Variants in DAPK1 observed in about 807,000 individuals in gnomAD.
DAPK1 encodes death associated protein kinase 1, also known as death-associated protein kinase 1.
DAPK1 carries 56 observed loss-of-function variants against 144.9 expected under a neutral mutation model. The observed-to-expected ratio is 0.39, with a 90% CI of 0.31 to 0.48. The LOEUF (loss-of-function observed/expected upper bound fraction) is 0.48. DAPK1 is among the 20% of genes least tolerant of loss of function. The probability of loss-of-function intolerance (pLI) is 0.95; values close to 1 mark genes in which losing one functional copy is unlikely to be tolerated. For synonymous variants in DAPK1, 690 were observed against 749.0 expected (o/e 0.92, Z 1.29); for missense variants, 1,454 against 1,875.4 (o/e 0.78, Z 4.15).
chr9:87,643,029 G>A (rs952795506), intron 10 of DAPK1, among the ~76,000 whole-genome samples: 5 of 152,118 alleles, frequency 3.3e-5, no homozygotes, highest in African/African-American at 1.2e-4. Flanking sequence ...AGGGTGATCT[G>A]CAAGGGTCAG....
chr9:87,706,931 G>A lies in DAPK1; in HGVS notation c.3860G>A (p.Cys1287Tyr). 4 of 1,613,684 alleles carry A rather than the reference G, an allele frequency of 2.5e-6. No homozygotes were observed. The highest frequency in any genetic ancestry group is 3.4e-6 in the Non-Finnish European group (4 of 1,179,884). Residue 1287 changes from cysteine to tyrosine, a missense_variant, in exon 26 of 26, where the codon TGT becomes TAT. By Grantham distance (194) the Cys-to-Tyr change is radical. This residue lies in a region of DAPK1 where 1,025 missense variants were observed against 1,237.9 expected (regional missense o/e 0.83). Coordinates refer to ENST00000408954, the MANE Select transcript of DAPK1 (RefSeq NM_004938.4). This position sits in a 1 kb window ranked among gnomAD's most constrained non-coding sequence, Gnocchi z 9.0. ...ESFSSIMCFG[C>Y]HDVYSQASLG... is the part of the protein sequence containing the mutation. The stretch of plus-strand genomic sequence containing the variant: ...TTCAGCAGCATCATGTGCTTCGGGT[G>A]TCACGACGTCTACTCACAGGCCAGC...
chr9:87,580,243 A>C (rs1168694553), intron 2 of DAPK1, among the ~76,000 whole-genome samples: 2 of 152,130 alleles, frequency 1.3e-5, no homozygotes, highest in Non-Finnish European at 2.9e-5. Context: ...ATTTCCTTTC[A>C]GTTCCTATTT....
intron 2 of DAPK1, among the ~76,000 whole-genome samples, chr9:87,503,097 C>T (rs939707282): frequency 6.6e-6 from 1 of 152,116 alleles, no homozygotes; most frequent in African/African-American, 2.4e-5. Context: ...GACACCTACC[C>T]TGGTAGAGTG....
intron 2 of DAPK1, among the ~76,000 whole-genome samples, chr9:87,515,321 G>A (rs934901352): frequency 3.3e-5 from 5 of 152,194 alleles, no homozygotes; most frequent in African/African-American, 9.6e-5. Context: ...GCAATGGTCT[G>A]GATTTACCCT....
intron 2 of DAPK1, among the ~76,000 whole-genome samples, chr9:87,517,038 T>G (rs1825087444): frequency 6.6e-6 from 1 of 152,140 alleles, no homozygotes; most frequent in African/African-American, 2.4e-5. Context: ...TCTCTCTTCC[T>G]GCCCCCATAG....
Position 87,603,264 on chromosome 9 carries a change from G to A in DAPK1, c.63-1690G>A, listed in dbSNP as rs36206863. ...GTATGCCCCATCTCTGCCACCCTCCGCCCCACAATAGAGGGAAGGTTTTTA... is the reference window on the plus strand; with the variant it reads ...GTATGCCCCATCTCTGCCACCCTCCACCCCACAATAGAGGGAAGGTTTTTA... On this transcript the variant is annotated intron_variant, in intron 2 of 25. Transcript: ENST00000408954. 5.3e-5 allele frequency among the ~76,000 whole-genome samples: 8 copies of A among 152,190 alleles called. No individual in the cohort carries two copies. The East Asian group carries it at 1.2e-3, about 22-fold the overall frequency.
intron 25 of DAPK1, among the ~76,000 whole-genome samples, chr9:87,704,613 T>C (rs1158798343): frequency 1.3e-5 from 2 of 152,194 alleles, no homozygotes; most frequent in East Asian, 3.8e-4. Flanking sequence ...TCTCCTCCAC[T>C]ATGGGACAGT....
At chr9:87,673,515 G>A (rs72747889) in intron 19 of DAPK1, among the ~76,000 whole-genome samples, 6,191 of 152,242 alleles carry the variant, frequency 0.041, 168 homozygotes, top group East Asian at 0.1. Flanking sequence ...AGGGGAGAGG[G>A]ACTGGCTGTT....
intron 17 of DAPK1, 64 bp from the exon 18 acceptor site, chr9:87,657,965 C>G: frequency 1.4e-6 from 1 of 731,896 alleles, no homozygotes; most frequent in East Asian, 2.6e-5. Context: ...CTTGTGTCTC[C>G]GGAATGTCAT....
chr9:87,675,894 C>CACACACACACAT, intron 19 of DAPK1, among the ~76,000 whole-genome samples: 1 of 146,116 alleles, frequency 6.8e-6, no homozygotes, highest in East Asian at 2.0e-4. Context: ...CACACACACA[C>CACACACACACAT]ACCCTTATGA....
chr9:87,665,357 A>G (rs1252011115), intron 18 of DAPK1, among the ~76,000 whole-genome samples: 1 of 152,256 alleles, frequency 6.6e-6, no homozygotes. Context: ...GAATGGCACC[A>G]TAGTCCAGGC....
At position 87,662,569 on chromosome 9, in the gene DAPK1, T is replaced by G. The variant is rs957315693; in HGVS notation, c.1923+4442T>G. 3.4e-4 allele frequency among the ~76,000 whole-genome samples: 46 copies of G among 133,846 alleles called. 2 individuals are homozygous for G. The highest frequency in any genetic ancestry group is 1.2e-3 in the African/African-American group (42 of 36,312). 87.8% of individuals were successfully genotyped at this position (133,846 alleles called of 152,430 possible). On this transcript the variant is annotated intron_variant, in intron 18 of 25. Coordinates refer to ENST00000408954, the MANE Select transcript of DAPK1 (RefSeq NM_004938.4). ...GTTAAATATATTCCTAGTTTTTTTT[T>G]TTTTTTTTTTTTTTTTGGTAGCTAT...
At chr9:87,606,532 TC>T (rs1564019771) in intron 3 of DAPK1, among the ~76,000 whole-genome samples, 1 of 51,014 alleles carries the variant, frequency 2.0e-5, no homozygotes, top group Admixed American at 2.4e-4. Flanking sequence ...CTTCCTTCCT[TC>T]CCCCCTCCCT....
intron 18 of DAPK1, among the ~76,000 whole-genome samples, chr9:87,659,841 C>T (rs180920637): frequency 6.6e-5 from 10 of 150,930 alleles, no homozygotes; most frequent in African/African-American, 2.2e-4. Context: ...GCAGTCACTC[C>T]GCACACACCG....
At chr9:87,555,667 C>T (rs1826686455) in intron 2 of DAPK1, among the ~76,000 whole-genome samples, 4 of 152,224 alleles carry the variant, frequency 2.6e-5, no homozygotes, top group South Asian at 4.1e-4. Context: ...CCACGCCCAG[C>T]TAATTTTGTA....
At chr9:87,519,250 C>G (rs1347612450) in intron 2 of DAPK1, among the ~76,000 whole-genome samples, 1 of 152,238 alleles carries the variant, frequency 6.6e-6, no homozygotes, top group African/African-American at 2.4e-5. Flanking sequence ...GCACCATTAC[C>G]TTCATTCCTC....
At chr9:87,616,864 C>T (rs929053786) in intron 3 of DAPK1, among the ~76,000 whole-genome samples, 2 of 152,200 alleles carry the variant, frequency 1.3e-5, no homozygotes, top group African/African-American at 4.8e-5. Flanking sequence ...ACCTGTTGGC[C>T]AAACCAAACT....
intron 18 of DAPK1, among the ~76,000 whole-genome samples, chr9:87,660,713 T>C (rs545070808): frequency 6.6e-6 from 1 of 152,318 alleles, no homozygotes; most frequent in African/African-American, 2.4e-5. Flanking sequence ...TAGTGCCCAC[T>C]TTAAGTGACA....
intron 2 of DAPK1, among the ~76,000 whole-genome samples, chr9:87,569,500 T>C (rs775136576): frequency 1.3e-5 from 2 of 152,216 alleles, no homozygotes; most frequent in African/African-American, 4.8e-5. Context: ...ATAAATACTT[T>C]AGTGTCCTAC....
Sources: gnomAD v4.1 joint callset for allele counts (sites outside exome capture counted in the v4.1 genomes callset) on GRCh38, gnomAD v4.1.1 for gene constraint, gnomAD v4.1.1 regional missense constraint, Gnocchi (gnomAD v3.1) non-coding constraint, MANE v1.5 for transcripts, NCBI Gene and HGNC (gene_info 2026-07-23, HGNC 2026-07-21) for gene names.